Variants in OTC observed in about 807,000 individuals in gnomAD.
OTC encodes ornithine transcarbamylase, mitochondrial.
In OTC, 3 loss-of-function variants were observed where a neutral mutation model predicts 30.3. That is an observed-to-expected ratio of 0.10 (90% confidence interval 0.05 to 0.26). The LOEUF is 0.26. OTC is among the 10% of genes least tolerant of loss of function. The probability of loss-of-function intolerance (pLI) is 1.00; values close to 1 mark genes in which losing one functional copy is unlikely to be tolerated. For synonymous variants in OTC, 111 were observed against 99.7 expected, an observed-to-expected ratio of 1.11 and a Z score of -0.67; for missense variants, 194 against 260.3, an observed-to-expected ratio of 0.75 and a Z score of 1.75.
intron 1 of OTC, among the ~76,000 whole-genome samples, chrX:38,365,150 G>C (rs1352701339): frequency 2.7e-5 from 3 of 112,854 alleles, no homozygotes; most frequent in African/African-American, 9.7e-5. Flanking sequence ...TGTTAGGTTA[G>C]AATTAAAGCA....
intron 4 of OTC, among the ~76,000 whole-genome samples, chrX:38,391,329 G>T (rs1236707101): frequency 1.8e-5 from 2 of 110,738 alleles, no homozygotes; most frequent in Non-Finnish European, 3.8e-5. Context: ...CACCAACATG[G>T]CACATGTATA....
the OTC span, among the ~76,000 whole-genome samples, chrX:38,333,381 A>G: frequency 0.038 from 4,219 of 111,113 alleles, 204 homozygotes; most frequent in African/African-American, 0.13. Context: ...AGTAGTAAAC[A>G]GCTCTGCCAC....
At chrX:38,414,857 T>C (rs2068562289) in intron 9 of OTC, among the ~76,000 whole-genome samples, 1 of 109,849 alleles carries the variant, frequency 9.1e-6, no homozygotes, top group South Asian at 4.0e-4. Flanking sequence ...GATTTGGAGG[T>C]CCCTTTGAGT....
At chrX:38,355,361 A>G (rs1206609677) in intron 1 of OTC, among the ~76,000 whole-genome samples, 1 of 112,024 alleles carries the variant, frequency 8.9e-6, no homozygotes, top group Admixed American at 9.5e-5. Context: ...TTTGTTGCCT[A>G]TTAGGGAAAC....
At chrX:38,342,491 C>G in the OTC span, among the ~76,000 whole-genome samples, 15 of 111,648 alleles carry the variant, frequency 1.3e-4, no homozygotes, top group Non-Finnish European at 2.1e-4. Flanking sequence ...TTATTGAACA[C>G]TGAGCTAGGT....
At chrX:38,339,910 T>G in the OTC span, among the ~76,000 whole-genome samples, 3 of 111,488 alleles carry the variant, frequency 2.7e-5, no homozygotes, top group Non-Finnish European at 5.6e-5. Context: ...ACCAGTTTGA[T>G]TAAATGAAGC....
chrX:38,398,370 G>A (rs2068467497), intron 4 of OTC, among the ~76,000 whole-genome samples: 1 of 112,153 alleles, frequency 8.9e-6, no homozygotes, highest in South Asian at 3.7e-4. Context: ...ACAACATACT[G>A]TAAAGTTCGA....
intron 9 of OTC, among the ~76,000 whole-genome samples, chrX:38,414,800 G>C (rs1440283595): frequency 9.0e-6 from 1 of 111,688 alleles, no homozygotes; most frequent in Non-Finnish European, 1.9e-5. Context: ...ACGCTAGAAA[G>C]GAGGTGGTGA....
intron 3 of OTC, among the ~76,000 whole-genome samples, chrX:38,376,543 T>C (rs1431403017): frequency 8.9e-6 from 1 of 111,733 alleles, no homozygotes; most frequent in Non-Finnish European, 1.9e-5. Flanking sequence ...GTTCTCCTCT[T>C]ATTCCTGTAA....
chrX:38,340,459 G>GTTTTTTTTTTTTTTTT, the OTC span, among the ~76,000 whole-genome samples: 3 of 60,505 alleles, frequency 5.0e-5, no homozygotes, highest in Non-Finnish European at 8.9e-5. Flanking sequence ...TTGTTTTTTT[G>GTTTTTTTTTTTTTTTT]TTTTTTTTTT....
intron 4 of OTC, among the ~76,000 whole-genome samples, chrX:38,393,226 G>T (rs148660116): frequency 0.022 from 2,479 of 112,163 alleles, 30 homozygotes; most frequent in Non-Finnish European, 0.035. Flanking sequence ...CAAACTTAAT[G>T]AAATGCTTTT....
chrX:38,376,485 A>G (rs761797955), intron 3 of OTC, among the ~76,000 whole-genome samples: 1 of 111,876 alleles, frequency 8.9e-6, no homozygotes, highest in African/African-American at 3.2e-5. Context: ...AAAGCAGAGT[A>G]TATGAGTACA....
chrX:38,381,963 T>G (rs1224887963), intron 4 of OTC, among the ~76,000 whole-genome samples: 3 of 112,095 alleles, frequency 2.7e-5, no homozygotes, highest in Non-Finnish European at 5.6e-5. Context: ...ATAGTGCAGA[T>G]GTTCCTGATT....
chrX:38,416,292 G>A (rs1363349969), intron 9 of OTC, among the ~76,000 whole-genome samples: 2 of 110,995 alleles, frequency 1.8e-5, no homozygotes, highest in Non-Finnish European at 3.8e-5. Flanking sequence ...TTCACTAATC[G>A]CATCATTCTC....
chrX:38,421,946 G>T (rs1400900052), downstream of OTC, among the ~76,000 whole-genome samples: 1 of 111,332 alleles, frequency 9.0e-6, no homozygotes, highest in Non-Finnish European at 1.9e-5. Context: ...TTTCTTTGGG[G>T]TAATAAAAAT....
intron 9 of OTC, among the ~76,000 whole-genome samples, chrX:38,415,629 G>C (rs1028352174): frequency 9.0e-6 from 1 of 110,499 alleles, no homozygotes; most frequent in African/African-American, 3.3e-5. Flanking sequence ...GAGACAGGGG[G>C]ATTACTTGAG....
intron 9 of OTC, among the ~76,000 whole-genome samples, chrX:38,417,879 T>C (rs2068577193): frequency 8.9e-6 from 1 of 111,893 alleles, no homozygotes; most frequent in South Asian, 3.8e-4. Context: ...TCTCTATCCA[T>C]TCATCCATTG....
At chrX:38,380,102 A>G (rs2068368398) in intron 3 of OTC, among the ~76,000 whole-genome samples, 1 of 111,989 alleles carries the variant, frequency 8.9e-6, no homozygotes, top group South Asian at 3.7e-4. Context: ...ATATTGTCCT[A>G]TATGGCTATG....
Position 38,381,330 on chromosome X carries a change from T to C in OTC, c.299-12T>C. 1 of 1,135,118 alleles carries C rather than the reference T, an allele frequency of 8.8e-7. No homozygotes were observed. The highest frequency in any genetic ancestry group is 1.2e-6 in the Non-Finnish European group (1 of 834,671). 93.5% of individuals were successfully genotyped at this position (1,135,118 alleles called of 1,213,427 possible). On this transcript the variant is annotated splice_polypyrimidine_tract_variant and intron_variant, in intron 3 of 9. Coordinates refer to ENST00000039007, the MANE Select transcript of OTC (RefSeq NM_000531.6). ...TTTTCAAAATGATTTTTTTCTTTTTTTTTTATTGTAGGCTTTGCACTTCTG... is the reference window on the plus strand; with the variant it reads ...TTTTCAAAATGATTTTTTTCTTTTTCTTTTATTGTAGGCTTTGCACTTCTG...
Sources: allele counts gnomAD v4.1 joint callset (sites outside exome capture counted in the v4.1 genomes callset), GRCh38; gene constraint gnomAD v4.1.1; transcripts MANE v1.5; gene names NCBI Gene and HGNC (gene_info 2026-07-23, HGNC 2026-07-21).